HERC4: variants seen among roughly 807,000 people sequenced by gnomAD.
HERC4 encodes probable E3 ubiquitin-protein ligase HERC4.
A neutral mutation model predicts 124.3 loss-of-function variants in HERC4; 28 were observed. The observed-to-expected ratio is 0.23, with a 90% CI of 0.17 to 0.31. The LOEUF (loss-of-function observed/expected upper bound fraction) is 0.31. HERC4 is among the 10% of genes least tolerant of loss of function. The pLI is 1.00. For synonymous variants in HERC4, 407 were observed against 421.5 expected (o/e 0.97, Z 0.42); for missense variants, 713 against 1,229.3 (o/e 0.58, Z 6.28).
At chr10:68,017,953 T>C (rs893841163) in intron 8 of HERC4, among the ~76,000 whole-genome samples, 2 of 152,356 alleles carry the variant, frequency 1.3e-5, no homozygotes, top group African/African-American at 4.8e-5. Flanking sequence ...CAAATGGTTT[T>C]AATGACAAGT....
chr10:68,044,584 A>T (rs769569731), intron 3 of HERC4, 21 bp from the exon 4 acceptor site: 1 of 1,608,094 alleles, frequency 6.2e-7, no homozygotes, highest in South Asian at 1.1e-5. Flanking sequence ...CAAGAAGAGA[A>T]ATATTGCATT....
intron 1 of HERC4, chr10:68,074,503 G>T (rs949017069): frequency 6.6e-6 from 1 of 152,296 alleles, no homozygotes; most frequent in Admixed American, 6.5e-5. Flanking sequence ...AGCGCGCGAG[G>T]TTTAACCACC....
intron 3 of HERC4, among the ~76,000 whole-genome samples, chr10:68,051,203 T>A (rs2040282095): frequency 6.6e-6 from 1 of 151,808 alleles, no homozygotes; most frequent in Admixed American, 6.6e-5. Context: ...AAATTACAAA[T>A]GTTTGATGCT....
At chr10:68,034,853 T>C (rs1437749832) in intron 5 of HERC4, among the ~76,000 whole-genome samples, 1 of 151,984 alleles carries the variant, frequency 6.6e-6, no homozygotes, top group East Asian at 1.9e-4. Context: ...ATATCCAGTC[T>C]ATCATATATC....
intron 9 of HERC4, among the ~76,000 whole-genome samples, chr10:68,005,545 T>C (rs1472474255): frequency 6.6e-6 from 1 of 152,212 alleles, no homozygotes; most frequent in Non-Finnish European, 1.5e-5. Context: ...AATGTTATTA[T>C]TAATAAGGAC....
intron 15 of HERC4, among the ~76,000 whole-genome samples, chr10:67,974,368 T>A (rs1290075358): frequency 6.6e-6 from 1 of 152,132 alleles, no homozygotes; most frequent in Non-Finnish European, 1.5e-5. Flanking sequence ...ATAAAGTTGA[T>A]CTAACATACA....
At chr10:67,955,980 T>G (rs998549378) in intron 17 of HERC4, 2 of 152,198 alleles carry the variant, frequency 1.3e-5, no homozygotes, top group Non-Finnish European at 2.9e-5. Flanking sequence ...GTTATTAACT[T>G]ATCGTTTTAA....
chr10:68,010,678 G>T, intron 9 of HERC4: 1 of 1,474,402 alleles, frequency 6.8e-7, no homozygotes, highest in Non-Finnish European at 9.4e-7. Flanking sequence ...AGCAAGGGCC[G>T]CGCCGCTTAC....
intron 8 of HERC4, among the ~76,000 whole-genome samples, chr10:68,023,968 C>T (rs571756815): frequency 1.2e-4 from 18 of 152,136 alleles, no homozygotes; most frequent in African/African-American, 4.3e-4. Flanking sequence ...AATTCATCTA[C>T]ATTAATATCT....
At chr10:67,950,581 G>A (rs552130557) in intron 19 of HERC4, among the ~76,000 whole-genome samples, 1 of 152,206 alleles carries the variant, frequency 6.6e-6, no homozygotes, top group African/African-American at 2.4e-5. Context: ...CAGCCCTACA[G>A]GGGAGATTTA....
rs777987733 is a variant in HERC4 at position 67,925,125 on chromosome 10, T to C, written c.2901A>G (p.Val967=). 6.6e-5 allele frequency: 106 copies of C among 1,606,388 alleles called. No individual in the cohort carries two copies. The highest frequency in any genetic ancestry group is 8.7e-5 in the Non-Finnish European group (102 of 1,173,324). The change falls in exon 24 of 25, where the codon GTA becomes GTG. Residue 967 remains valine (V), a synonymous_variant. Transcript: ENST00000373700. ...TCTTTTCCAATGGTAATTCGTGAAA[T>C]ACTTCCCAAAAAATTTTTATCGTAG... is the stretch of plus-strand genomic sequence containing the variant. The part of the protein sequence containing the change: ...EHPTIKIFWE[V]FHELPLEKKK...
intron 16 of HERC4, among the ~76,000 whole-genome samples, chr10:67,963,384 T>C (rs962977937): frequency 1.3e-5 from 2 of 152,122 alleles, no homozygotes; most frequent in African/African-American, 4.8e-5. Context: ...GCTTGGCTAA[T>C]TTTTGTATTT....
chr10:67,995,538 ATTGT>A (rs1306698617), intron 9 of HERC4, among the ~76,000 whole-genome samples: 1 of 142,604 alleles, frequency 7.0e-6, no homozygotes, highest in Non-Finnish European at 1.6e-5. Context: ...TCCTTTATTT[ATTGT>A]TTGTCTTATT....
At position 67,939,638 on chromosome 10, in the gene HERC4, G is replaced by A; in HGVS notation, c.2521C>T (p.Leu841=). Reference sequence around the variant, plus strand: ...TCTATGTCATCTTCTGGATAATCCAGTAACTGTTGCATGCTTCTGCAAAAT... The same window carrying A: ...TCTATGTCATCTTCTGGATAATCCAATAACTGTTGCATGCTTCTGCAAAAT... ...PDVGRSMQQL[L]DYPEDDIEET... is the part of the protein sequence containing the mutation. The change falls in exon 21 of 25, where the codon CTG becomes TTG. Residue 841 remains leucine (L), a synonymous_variant. Transcript: ENST00000373700. 1 of 1,606,188 alleles carries A rather than the reference G, an allele frequency of 6.2e-7. No homozygotes were observed. Among genetic ancestry groups the A allele is most frequent in the Non-Finnish European group, 8.5e-7 (1 of 1,176,706 alleles).
intron 19 of HERC4, among the ~76,000 whole-genome samples, chr10:67,941,361 T>C (rs1361464950): frequency 7.0e-5 from 9 of 128,372 alleles, no homozygotes; most frequent in African/African-American, 2.3e-4. Flanking sequence ...TTTACAACTG[T>C]TTTCTCCCAG....
At chr10:68,014,325 G>A (rs2038135968) in intron 8 of HERC4, 139 bp from the exon 9 acceptor site, 1 of 727,402 alleles carries the variant, frequency 1.4e-6, no homozygotes, top group Non-Finnish European at 2.2e-6. Context: ...CAAAGCTTCT[G>A]TACAAATATT....
intron 9 of HERC4, chr10:67,994,324 A>T (rs779903310): frequency 2.0e-5 from 3 of 152,224 alleles, no homozygotes; most frequent in Non-Finnish European, 4.4e-5. Context: ...TGCCCTCTAT[A>T]AACAATTCCC....
intron 9 of HERC4, chr10:68,010,174 C>A: frequency 9.7e-7 from 1 of 1,025,746 alleles, no homozygotes; most frequent in South Asian, 1.3e-5. Flanking sequence ...CGCCCTCTCC[C>A]TGTATCCCAT....
At chr10:68,040,374 G>T (rs908984545) in intron 4 of HERC4, 1 of 947,660 alleles carries the variant, frequency 1.1e-6, no homozygotes, top group African/African-American at 1.8e-5. Flanking sequence ...CTAAAGAATG[G>T]GGGATATTGG....
Sources: gnomAD v4.1 joint callset for allele counts (sites outside exome capture counted in the v4.1 genomes callset) on GRCh38, gnomAD v4.1.1 for gene constraint, MANE v1.5 for transcripts, NCBI Gene and HGNC (gene_info 2026-07-23, HGNC 2026-07-21) for gene names.